Variants in GPLD1 observed in about 807,000 individuals in gnomAD.
GPLD1 encodes the protein phosphatidylinositol-glycan-specific phospholipase D.
GPLD1 carries 84 observed loss-of-function variants against 112.6 expected under a neutral mutation model. That is an observed-to-expected ratio of 0.75 (90% CI 0.63 to 0.89). The LOEUF (loss-of-function observed/expected upper bound fraction) is 0.89. GPLD1 is among the 40% of genes least tolerant of loss of function. The pLI is 0.00. For missense variants in GPLD1, 1,044 were observed against 1,051.5 expected (o/e 0.99, Z 0.10); for synonymous variants, 386 against 403.8 (o/e 0.96, Z 0.53).
chr6:24,440,167 A>G (rs1446009085), intron 20 of GPLD1, among the ~76,000 whole-genome samples: 1 of 151,120 alleles, frequency 6.6e-6, no homozygotes, highest in Admixed American at 6.6e-5. Flanking sequence ...CAGAAAAACT[A>G]TAAACTTGCC....
intron 14 of GPLD1, among the ~76,000 whole-genome samples, chr6:24,450,124 A>C (rs1237249242): frequency 6.6e-6 from 1 of 152,232 alleles, no homozygotes; most frequent in Non-Finnish European, 1.5e-5. Flanking sequence ...GAGATGCCAG[A>C]AAGTAGAGGG....
intron 2 of GPLD1, among the ~76,000 whole-genome samples, chr6:24,482,097 A>ATTTTTTT: frequency 9.7e-6 from 1 of 103,208 alleles, no homozygotes; most frequent in Non-Finnish European, 1.9e-5. Context: ...GTATTTTTGG[A>ATTTTTTT]TTTTTTTTTT....
At chr6:24,479,575 A>C (rs892665845) in intron 3 of GPLD1, among the ~76,000 whole-genome samples, 1 of 152,180 alleles carries the variant, frequency 6.6e-6, no homozygotes, top group Non-Finnish European at 1.5e-5. Flanking sequence ...AAGGAACACA[A>C]ACTCAGACCT....
chr6:24,495,160 C>T lies in GPLD1; in HGVS notation n.46G>A, dbSNP rs1472036270. 19 of 1,460,440 alleles carry T rather than the reference C, an allele frequency of 1.3e-5. No individual in the cohort carries two copies. The highest frequency in any genetic ancestry group is 1.7e-5 in the Non-Finnish European group (19 of 1,113,494). The allele number at this position is 1,460,440 out of a possible 1,614,324, so 90.5% of individuals were successfully genotyped here. On this transcript the variant is annotated non_coding_transcript_exon_variant, in exon 1 of 11. Transcript: ENST00000474784. ...TACGCTGGGCGCCTGGCGGGCCTCT[C>T]TGCGGCGCTGCTGCGCACCGACAGC...
At chr6:24,456,862 A>G (rs1482863963) in intron 12 of GPLD1, among the ~76,000 whole-genome samples, 4 of 152,204 alleles carry the variant, frequency 2.6e-5, no homozygotes, top group Admixed American at 6.5e-5. Context: ...GCAGAGTTAC[A>G]GCCCAAGAGG....
chr6:24,494,766 G>A, intron 1 of GPLD1: 1 of 403,664 alleles, frequency 2.5e-6, no homozygotes, highest in Non-Finnish European at 4.1e-6. Flanking sequence ...GGTCGCGCCA[G>A]GAGAGAAGCC....
intron 10 of GPLD1, among the ~76,000 whole-genome samples, chr6:24,463,416 C>T (rs111720708): frequency 2.6e-5 from 4 of 152,040 alleles, no homozygotes; most frequent in African/African-American, 7.2e-5. Flanking sequence ...TGGGGTAATA[C>T]AAAAGTAATG....
At chr6:24,478,916 T>C (rs898575541) in intron 3 of GPLD1, among the ~76,000 whole-genome samples, 5 of 152,202 alleles carry the variant, frequency 3.3e-5, no homozygotes, top group African/African-American at 1.2e-4. Context: ...GGGCTCTGAC[T>C]GATACGACTC....
chr6:24,479,958 A>C lies in GPLD1; in HGVS notation c.155T>G (p.Leu52Arg), dbSNP rs1764147189. 6.3e-7 allele frequency: 1 copy of C among 1,597,334 alleles called. No homozygotes were observed. Among genetic ancestry groups the C allele is most frequent in the Non-Finnish European group, 8.6e-7 (1 of 1,164,942 alleles). ...ATACGCATCCTGGTGTTCTAGTAAC[A>C]GCTGCAGAGCAAGAAAATACAGAGA... ...LHNGRVNYRE[L>R]LLEHQDAYQA... is the part of the protein sequence containing the mutation. The change falls in exon 3 of 25, where the codon CTG becomes CGG. Residue 52 changes from leucine to arginine, a missense_variant and splice_region_variant. Coordinates refer to ENST00000230036, the MANE Select transcript of GPLD1 (RefSeq NM_001503.4).
rs1262010609 is a variant in GPLD1, at chr6:24,454,207, G to A, written c.1149-6C>T. 6.2e-7 allele frequency: 1 copy of A among 1,602,790 alleles called. No homozygotes were observed. The highest frequency in any genetic ancestry group is 1.1e-5 in the South Asian group (1 of 89,632). On this transcript the variant is annotated splice_polypyrimidine_tract_variant and splice_region_variant and intron_variant, in intron 13 of 24. Transcript: ENST00000230036. ...GGTCAGCTGAGGTCATTGCCCTTAG[G>A]GAAGTGAAGGGACCCACCATGGTAT...
chr6:24,435,836 A>AAAAAAAAAAAAAAAAAAT (rs1427422814), intron 22 of GPLD1: 1 of 146,528 alleles, frequency 6.8e-6, no homozygotes, highest in Non-Finnish European at 1.5e-5. Context: ...AAAAAAAAAA[A>AAAAAAAAAAAAAAAAAAT]AAAAAAAAAA....
intron 20 of GPLD1, among the ~76,000 whole-genome samples, chr6:24,444,105 A>T (rs963695789): frequency 3.9e-5 from 6 of 152,216 alleles, no homozygotes; most frequent in Non-Finnish European, 8.8e-5. Flanking sequence ...CAGTAATTCC[A>T]TCTCCAGGAA....
At chr6:24,474,669 C>T (rs58495744) in intron 5 of GPLD1, among the ~76,000 whole-genome samples, 9,284 of 152,158 alleles carry the variant, frequency 0.061, 850 homozygotes, top group African/African-American at 0.2. Context: ...GGACCGGGCG[C>T]GGTGGCTTAT....
chr6:24,486,767 G>A (rs112655852), intron 1 of GPLD1, among the ~76,000 whole-genome samples: 4,628 of 152,006 alleles, frequency 0.03, 153 homozygotes, highest in African/African-American at 0.071. Flanking sequence ...GTAGTGAGCC[G>A]AGACCACGCC....
chr6:24,484,165 T>C (rs1764296010), intron 2 of GPLD1, among the ~76,000 whole-genome samples: 1 of 152,148 alleles, frequency 6.6e-6, no homozygotes, highest in African/African-American at 2.4e-5. Flanking sequence ...TCTGCCCGCC[T>C]TGGCCTCCCA....
At chr6:24,461,876 T>A (rs1406826557) in intron 11 of GPLD1, among the ~76,000 whole-genome samples, 1 of 152,170 alleles carries the variant, frequency 6.6e-6, no homozygotes, top group African/African-American at 2.4e-5. Flanking sequence ...ATTTGTGTTA[T>A]TTTGTTCTAT....
At chr6:24,448,521 C>T (rs530739722) in intron 15 of GPLD1, among the ~76,000 whole-genome samples, 23 of 152,266 alleles carry the variant, frequency 1.5e-4, no homozygotes, top group Non-Finnish European at 3.2e-4. Context: ...TGCTGCTGGG[C>T]TGAAAGGAAT....
chr6:24,454,151 AC>A lies in GPLD1; in HGVS notation c.1198del (p.Val400TrpfsTer123). 1 of 1,613,950 alleles carries A rather than the reference AC, an allele frequency of 6.2e-7. No individual in the cohort carries two copies. Among genetic ancestry groups the A allele is most frequent in the Non-Finnish European group, 8.5e-7 (1 of 1,179,938 alleles). On this transcript the variant is annotated frameshift_variant, in exon 14 of 25. Coordinates refer to ENST00000230036, the MANE Select transcript of GPLD1 (RefSeq NM_001503.4). LOFTEE classifies it high-confidence loss of function. ...GGGGCGGCTGTAGCCTGGTGCGCCC[AC>A]CACGAGGTCACCGTGCCCATCCTGG... Reference protein sequence around the residue: ...LNQDGHGDLVVGAPGYSRPGH... With the variant: ...LNQDGHGDLVXGAPGYSRPGH...
In GPLD1 at chr6:24,437,216, T is replaced by TATGA; in HGVS notation, c.2093_2094insTCAT (p.Ser699HisfsTer3). The TATGA allele has an allele frequency of 6.2e-7, 1 of 1,614,118 alleles. No homozygotes were observed. The highest frequency in any genetic ancestry group is 1.1e-5 in the South Asian group (1 of 91,082). On this transcript the variant is annotated frameshift_variant, in exon 21 of 25. Transcript: ENST00000230036. LOFTEE classifies it high-confidence loss of function. The stretch of plus-strand genomic sequence containing the variant: ...TGAGCAGCAGAGGCTGCGCGTCAGA[T>TATGA]GTGAGTGCGTACATGCGAGTGGCTC...
Sources: gnomAD v4.1 joint callset for allele counts (sites outside exome capture counted in the v4.1 genomes callset) on GRCh38, gnomAD v4.1.1 for gene constraint, MANE v1.5 for transcripts, NCBI Gene and HGNC (gene_info 2026-07-23, HGNC 2026-07-21) for gene names.